CADPS: variants seen among roughly 807,000 people sequenced by gnomAD.
CADPS encodes calcium-dependent secretion activator 1.
Under a neutral mutation model 167.3 loss-of-function variants are expected in CADPS, and 57 were observed. The observed-to-expected ratio is 0.34, with a 90% confidence interval of 0.28 to 0.42. The LOEUF (loss-of-function observed/expected upper bound fraction) is 0.42. Among genes scored for constraint, CADPS ranks in the 20% least tolerant of loss-of-function variants. The pLI, the probability that CADPS is intolerant of heterozygous loss-of-function variation, is 1.00. For synonymous variants in CADPS, 676 were observed against 635.3 expected (o/e 1.06, Z -0.96); for missense variants, 1,414 against 1,738.1 (o/e 0.81, Z 3.32).
chr3:62,484,539 G>C (rs2062522780), intron 21 of CADPS, among the ~76,000 whole-genome samples: 2 of 152,040 alleles, frequency 1.3e-5, no homozygotes, highest in Admixed American at 6.6e-5. Flanking sequence ...CAACTTATAT[G>C]CATTAAAATT....
intron 1 of CADPS, among the ~76,000 whole-genome samples, chr3:62,839,334 A>G (rs1426763814): frequency 6.6e-6 from 1 of 152,026 alleles, no homozygotes; most frequent in Non-Finnish European, 1.5e-5. Context: ...GGGACTACAG[A>G]TGCAAGCCAC....
intron 13 of CADPS, 138 bp downstream of exon 13, chr3:62,532,732 TG>T (rs2073970688): frequency 3.2e-6 from 2 of 619,078 alleles, no homozygotes; most frequent in African/African-American, 1.8e-5. Context: ...TGTGTGTGTG[TG>T]TGTGTGTGTG....
intron 6 of CADPS, among the ~76,000 whole-genome samples, chr3:62,618,794 G>C (rs866734562): frequency 2.0e-5 from 3 of 152,160 alleles, no homozygotes; most frequent in Non-Finnish European, 4.4e-5. Flanking sequence ...ATAGAACATA[G>C]AGTAGTTTGA....
intron 1 of CADPS, among the ~76,000 whole-genome samples, chr3:62,768,740 T>C (rs972974235): frequency 5.9e-5 from 9 of 152,080 alleles, no homozygotes; most frequent in Non-Finnish European, 1.0e-4. Flanking sequence ...AAAAAGCACA[T>C]TAAATTATGA....
At chr3:62,627,466 A>T (rs1181243747) in intron 6 of CADPS, among the ~76,000 whole-genome samples, 3 of 152,116 alleles carry the variant, frequency 2.0e-5, no homozygotes, top group African/African-American at 7.2e-5. Context: ...GACCTACTTT[A>T]TGGCCTGTTT....
intron 3 of CADPS, among the ~76,000 whole-genome samples, chr3:62,738,761 T>A (rs2079554355): frequency 1.3e-5 from 2 of 152,132 alleles, no homozygotes; most frequent in African/African-American, 4.8e-5. Context: ...TAAAAAATGA[T>A]TGCTTTTTCA....
intron 1 of CADPS, among the ~76,000 whole-genome samples, chr3:62,796,954 C>T (rs142683591): frequency 1.3e-5 from 2 of 152,174 alleles, no homozygotes; most frequent in East Asian, 3.9e-4. Context: ...TAGAATATTG[C>T]GAAGCTTAAG....
chr3:62,531,959 G>C (rs955033940), intron 13 of CADPS, among the ~76,000 whole-genome samples: 1 of 152,190 alleles, frequency 6.6e-6, no homozygotes, highest in Non-Finnish European at 1.5e-5. Flanking sequence ...GAGACTTGAC[G>C]TTCTGGGCTT....
intron 3 of CADPS, among the ~76,000 whole-genome samples, chr3:62,724,140 G>T (rs1181141060): frequency 6.6e-6 from 1 of 152,220 alleles, no homozygotes; most frequent in Non-Finnish European, 1.5e-5. Flanking sequence ...TAGAAACAGG[G>T]ATGATGCTGC....
In CADPS at chr3:62,729,028, A is replaced by G. The variant is rs145627755; in HGVS notation, c.888+24413T>C. ...CTTAAGATTATGCACACTTATACTA[A>G]TACCTGGCATAAATGCTAATCCTTT... On this transcript the variant is annotated intron_variant, in intron 3 of 29. Coordinates refer to ENST00000383710, the MANE Select transcript of CADPS (RefSeq NM_003716.4). 2.0e-3 allele frequency among the ~76,000 whole-genome samples: 301 copies of G among 152,016 alleles called. 10 individuals are homozygous for G. Among genetic ancestry groups the G allele is most frequent in the African/African-American group, 6.8e-3 (281 of 41,278 alleles).
In CADPS at chr3:62,681,715, A is replaced by C. The variant is rs2077181282; in HGVS notation, c.889-19321T>G. On this transcript the variant is annotated intron_variant, in intron 3 of 29. Transcript: ENST00000383710. Reference sequence around the variant, plus strand: ...CCTACACTGGATTCCCATGTAATGCAGTCCCTCAGGGGCCTTGTTACAGAG... The same window carrying C: ...CCTACACTGGATTCCCATGTAATGCCGTCCCTCAGGGGCCTTGTTACAGAG... 4.6e-5 allele frequency among the ~76,000 whole-genome samples: 7 copies of C among 152,198 alleles called. No homozygotes were observed. The South Asian group carries it at 1.4e-3, about 32-fold the overall frequency.
At chr3:62,409,458 G>C (rs9861387) in intron 28 of CADPS, among the ~76,000 whole-genome samples, 2 of 152,244 alleles carry the variant, frequency 1.3e-5, no homozygotes, top group Non-Finnish European at 2.9e-5. Context: ...GCTAAGCAGA[G>C]TGTGGGGACT....
intron 21 of CADPS, among the ~76,000 whole-genome samples, chr3:62,486,879 A>AT (rs2062905045): frequency 6.6e-6 from 1 of 152,052 alleles, no homozygotes; most frequent in South Asian, 2.1e-4. Context: ...GCTTTTAATT[A>AT]CATGTAGATT....
At chr3:62,700,821 G>A (rs1211887991) in intron 3 of CADPS, among the ~76,000 whole-genome samples, 5 of 150,626 alleles carry the variant, frequency 3.3e-5, no homozygotes, top group Non-Finnish European at 6.0e-5. Flanking sequence ...AACTGTCTCA[G>A]TCAGTTTGGG....
intron 3 of CADPS, among the ~76,000 whole-genome samples, chr3:62,723,689 G>A (rs1480678932): frequency 1.3e-5 from 2 of 152,214 alleles, no homozygotes; most frequent in Non-Finnish European, 1.5e-5. Flanking sequence ...TGGGGAGTGT[G>A]TCTGAGCCGC....
intron 14 of CADPS, among the ~76,000 whole-genome samples, chr3:62,517,649 G>A (rs2069329589): frequency 6.6e-6 from 1 of 152,112 alleles, no homozygotes; most frequent in South Asian, 2.1e-4. Flanking sequence ...GTGATGTAAG[G>A]CTCAAGCACA....
intron 1 of CADPS, among the ~76,000 whole-genome samples, chr3:62,780,837 A>C (rs1412721468): frequency 2.0e-5 from 3 of 152,176 alleles, no homozygotes; most frequent in South Asian, 4.1e-4. Flanking sequence ...CAGTTAAATA[A>C]ATCTTTGATA....
intron 1 of CADPS, among the ~76,000 whole-genome samples, chr3:62,767,266 T>C (rs2087133625): frequency 6.6e-6 from 1 of 152,156 alleles, no homozygotes; most frequent in East Asian, 1.9e-4. Flanking sequence ...GCAGTTCTGT[T>C]GGCCACTGTG....
At chr3:62,520,995 ACT>A (rs1219355695) in intron 13 of CADPS, among the ~76,000 whole-genome samples, 1 of 152,170 alleles carries the variant, frequency 6.6e-6, no homozygotes, top group East Asian at 1.9e-4. Context: ...TTTGGAGAGT[ACT>A]GTTTTTTCCA....
Sources: gnomAD v4.1 joint callset for allele counts (sites outside exome capture counted in the v4.1 genomes callset) on GRCh38, gnomAD v4.1.1 for gene constraint, MANE v1.5 for transcripts, NCBI Gene and HGNC (gene_info 2026-07-23, HGNC 2026-07-21) for gene names.